R3HDM2: variants seen among roughly 807,000 people sequenced by gnomAD.
The protein encoded by R3HDM2 is R3H domain containing 2, also known as R3H domain-containing protein 2.
R3HDM2 carries 38 observed loss-of-function variants against 124.5 expected under a neutral mutation model. The ratio of observed to expected loss-of-function variants is 0.31; its 90% CI spans 0.24 to 0.40. The LOEUF is 0.40. Among genes scored for constraint, R3HDM2 ranks in the 10% least tolerant of loss-of-function variants. R3HDM2 has a pLI of 1.00. For missense variants in R3HDM2, 869 were observed against 1,236.9 expected (o/e 0.70, Z 4.46); for synonymous variants, 391 against 448.0 (o/e 0.87, Z 1.61).
chr12:57,389,680 A>T (rs2066375968), intron 2 of R3HDM2, among the ~76,000 whole-genome samples: 1 of 152,234 alleles, frequency 6.6e-6, no homozygotes, highest in African/African-American at 2.4e-5. Flanking sequence ...TTAATTGGTC[A>T]ACCTACCCTT....
At chr12:57,349,741 T>C (rs981034776) in intron 2 of R3HDM2, among the ~76,000 whole-genome samples, 3 of 151,912 alleles carry the variant, frequency 2.0e-5, no homozygotes, top group African/African-American at 4.8e-5. Context: ...TCTGTATTTT[T>C]AGTAGAGACG....
At chr12:57,267,673 A>T (rs950523730) in intron 18 of R3HDM2, among the ~76,000 whole-genome samples, 4 of 152,226 alleles carry the variant, frequency 2.6e-5, no homozygotes. Flanking sequence ...GTAAATGCAC[A>T]TATACTGGGA....
At chr12:57,336,032 A>G (rs2058808332) in intron 2 of R3HDM2, among the ~76,000 whole-genome samples, 1 of 151,938 alleles carries the variant, frequency 6.6e-6, no homozygotes, top group Non-Finnish European at 1.5e-5. Flanking sequence ...GCCAATCAAA[A>G]ACACCCACAA....
At chr12:57,417,612 T>C (rs1224093456) in intron 1 of R3HDM2, among the ~76,000 whole-genome samples, 1 of 152,212 alleles carries the variant, frequency 6.6e-6, no homozygotes, top group Non-Finnish European at 1.5e-5. Flanking sequence ...TTTTTTTGTA[T>C]GTCTTGGCAA....
chr12:57,427,748 T>C (rs1394629737), intron 1 of R3HDM2, among the ~76,000 whole-genome samples: 2 of 151,966 alleles, frequency 1.3e-5, no homozygotes, highest in East Asian at 1.9e-4. Flanking sequence ...TAGAGAGTTA[T>C]GTAAATGTGT....
chr12:57,307,953 T>G (rs909117966), intron 3 of R3HDM2, among the ~76,000 whole-genome samples: 2 of 151,836 alleles, frequency 1.3e-5, no homozygotes, highest in African/African-American at 4.8e-5. Flanking sequence ...CAGCAGCAGC[T>G]CCACCTGCTC....
chr12:57,333,013 T>C (rs969858571), intron 2 of R3HDM2, among the ~76,000 whole-genome samples: 1 of 152,168 alleles, frequency 6.6e-6, no homozygotes, highest in Non-Finnish European at 1.5e-5. Flanking sequence ...TGACATAAAG[T>C]GTAAGAAGGG....
Position 57,394,438 on chromosome 12 carries a change from G to C in R3HDM2, c.-36+1311C>G, listed in dbSNP as rs931303406. Among the ~76,000 whole-genome samples the C allele has an allele frequency of 2.0e-5, 3 of 152,086 alleles. No homozygotes were observed. The South Asian group carries it at 6.2e-4, about 31-fold the overall frequency. On this transcript the variant is annotated intron_variant, in intron 2 of 23. Coordinates refer to ENST00000402412, the MANE Select transcript of R3HDM2 (RefSeq NM_001394031.1). ...AGCCTGGCCAACATGGCGAAACCCC[G>C]TCTTGTACTTGTAGTTCCAGCTACT...
At chr12:57,366,630 T>C (rs1850885909) in intron 2 of R3HDM2, among the ~76,000 whole-genome samples, 1 of 152,244 alleles carries the variant, frequency 6.6e-6, no homozygotes, top group Admixed American at 6.5e-5. Context: ...ATGTAAATTT[T>C]ACACTGTTGG....
intron 6 of R3HDM2, among the ~76,000 whole-genome samples, chr12:57,298,759 C>A (rs1166311567): frequency 6.6e-6 from 1 of 151,146 alleles, no homozygotes; most frequent in Non-Finnish European, 1.5e-5. Flanking sequence ...GTTAGAAGTT[C>A]AAGACCAGCC....
chr12:57,307,631 T>C (rs901038596), intron 3 of R3HDM2, among the ~76,000 whole-genome samples: 1 of 149,122 alleles, frequency 6.7e-6, no homozygotes, highest in Non-Finnish European at 1.5e-5. Context: ...ATGCTCTTTT[T>C]TTTTTTTTTT....
At chr12:57,354,656 T>C (rs560976278) in intron 2 of R3HDM2, among the ~76,000 whole-genome samples, 52 of 152,200 alleles carry the variant, frequency 3.4e-4, no homozygotes, top group African/African-American at 1.2e-3. Flanking sequence ...ACCCTGTATC[T>C]TCCCTGGCCG....
At position 57,258,899 on chromosome 12, in the gene R3HDM2, G is replaced by A. The variant is rs762433964; in HGVS notation, c.2292C>T (p.Ser764=). Residue 764 remains serine, a synonymous_variant, in exon 20 of 24, where the codon AGC becomes AGT. Transcript: ENST00000402412. The part of the protein sequence containing the change: ...QKPGDLYSPD[S]SPQANTQMSS... Reference sequence around the variant, plus strand: ...TGAGTGCTGCACTCACCTGGGGGCTGCTGTCAGGACTGTACAGGTCTCCAG... The same window carrying A: ...TGAGTGCTGCACTCACCTGGGGGCTACTGTCAGGACTGTACAGGTCTCCAG... 8.8e-5 allele frequency: 139 copies of A among 1,577,544 alleles called. No individual in the cohort carries two copies. Among genetic ancestry groups the A allele is most frequent in the Non-Finnish European group, 1.1e-4 (130 of 1,162,484 alleles).
At position 57,258,120 on chromosome 12, in the gene R3HDM2, G is replaced by T. The variant is rs1178854516; in HGVS notation, c.2319C>A (p.Ser773Arg). The T allele has an allele frequency of 6.4e-7, 1 of 1,566,210 alleles. No homozygotes were observed. Among genetic ancestry groups the T allele is most frequent in the Non-Finnish European group, 8.7e-7 (1 of 1,153,014 alleles). ...DSSPQANTQM[S>R]SSPVTSPTQS... ...GGGTAGGAGATGTGACAGGGCTGCT[G>T]CTCATTTGTGTGTTGGCCTGTGGAA... The change falls in exon 21 of 24, where the codon AGC (serine) becomes AGA (arginine). Residue 773 changes from serine (S) to arginine (R), a missense_variant. Physicochemically the swap from Ser to Arg is moderately radical, Grantham distance 110. This residue lies in a region of R3HDM2 where 602 missense variants were observed against 789.2 expected (regional missense o/e 0.76). Transcript: ENST00000402412.
chr12:57,380,565 G>A (rs965999814), intron 2 of R3HDM2, among the ~76,000 whole-genome samples: 1 of 152,130 alleles, frequency 6.6e-6, no homozygotes, highest in Admixed American at 6.6e-5. Context: ...GACACAATAA[G>A]ATTGCATCCT....
chr12:57,254,019 G>A lies in R3HDM2; in HGVS notation c.*754C>T. ...CTAGGAAGACAAGATGGGGAAGTGA[G>A]AGAATGGGGCAATCAATTTTGTTTA... On this transcript the variant is annotated 3_prime_UTR_variant, in exon 24 of 24. Coordinates refer to ENST00000402412, the MANE Select transcript of R3HDM2 (RefSeq NM_001394031.1). 1 of 398,448 alleles carries A rather than the reference G, an allele frequency of 2.5e-6. No homozygotes were observed. Among genetic ancestry groups the A allele is most frequent in the Non-Finnish European group, 4.8e-6 (1 of 207,564 alleles). The allele number at this position is 398,448 out of a possible 1,614,324, so 24.7% of individuals were successfully genotyped here.
intron 18 of R3HDM2, 70 bp from the exon 19 acceptor site, chr12:57,266,901 C>A: frequency 8.7e-7 from 1 of 1,148,182 alleles, no homozygotes; most frequent in Non-Finnish European, 1.2e-6. Context: ...CAAACAGCTG[C>A]TGCTTCCTGG....
intron 2 of R3HDM2, among the ~76,000 whole-genome samples, chr12:57,394,120 A>G (rs1012046910): frequency 6.6e-6 from 1 of 151,672 alleles, no homozygotes; most frequent in African/African-American, 2.4e-5. Context: ...ACATGGAAAA[A>G]TCCCATCTCT....
intron 2 of R3HDM2, among the ~76,000 whole-genome samples, chr12:57,346,804 GA>G (rs573250176): frequency 1.0e-3 from 156 of 152,284 alleles, no homozygotes; most frequent in Middle Eastern, 3.4e-3. Flanking sequence ...GTTTGAGAGC[GA>G]AAGTTTTAAG....
Sources: gnomAD v4.1 joint callset for allele counts (sites outside exome capture counted in the v4.1 genomes callset) on GRCh38, gnomAD v4.1.1 for gene constraint, gnomAD v4.1.1 regional missense constraint, MANE v1.5 for transcripts, NCBI Gene and HGNC (gene_info 2026-07-23, HGNC 2026-07-21) for gene names.